The following PCDHA7 variants were observed in gnomAD, a reference collection of about 807,000 sequenced individuals.
PCDHA7 encodes the protein protocadherin alpha-7.
PCDHA7 carries 37 observed loss-of-function variants against 57.2 expected under a neutral mutation model. The ratio of observed to expected loss-of-function variants is 0.65; its 90% CI spans 0.50 to 0.85. The LOEUF (loss-of-function observed/expected upper bound fraction) is 0.85. PCDHA7 is among the 40% of genes least tolerant of loss of function. The pLI is 0.00. For missense variants in PCDHA7, 1,188 were observed against 1,241.8 expected, an observed-to-expected ratio of 0.96 and a Z score of 0.65; for synonymous variants, 553 against 558.8, an observed-to-expected ratio of 0.99 and a Z score of 0.15.
intron 1 of PCDHA7, among the ~76,000 whole-genome samples, chr5:140,961,237 G>A (rs1170465013): frequency 1.3e-5 from 2 of 152,136 alleles, no homozygotes; most frequent in African/African-American, 4.8e-5. Context: ...AAAAGGTGAT[G>A]GAATTTATCC....
chr5:140,985,590 T>C (rs1049609959), intron 3 of PCDHA7, among the ~76,000 whole-genome samples: 5 of 152,166 alleles, frequency 3.3e-5, no homozygotes, highest in African/African-American at 1.2e-4. Flanking sequence ...TCCTTATACT[T>C]GCTTCAGAGC....
chr5:140,841,640 G>T, intron 1 of PCDHA7: 1 of 1,614,170 alleles, frequency 6.2e-7, no homozygotes, highest in Non-Finnish European at 8.5e-7. Context: ...CATCCACCTG[G>T]AGGTGATCGT....
At chr5:140,945,001 G>A (rs2093722890) in intron 1 of PCDHA7, among the ~76,000 whole-genome samples, 1 of 151,990 alleles carries the variant, frequency 6.6e-6, no homozygotes, top group African/African-American at 2.4e-5. Context: ...ACGGTTGTGG[G>A]TCATGAATTA....
At chr5:140,929,353 C>T in intron 1 of PCDHA7, 1 of 1,527,090 alleles carries the variant, frequency 6.5e-7, no homozygotes, top group Non-Finnish European at 8.8e-7. Context: ...AATTTGATTC[C>T]TTTGGCCCGG....
chr5:140,869,221 A>G, intron 1 of PCDHA7: 1 of 1,613,848 alleles, frequency 6.2e-7, no homozygotes, highest in South Asian at 1.1e-5. Flanking sequence ...GGAGGAGGCC[A>G]AACACGGCAC....
At chr5:140,882,367 C>G in intron 1 of PCDHA7, 22 of 1,614,228 alleles carry the variant, frequency 1.4e-5, no homozygotes, top group Non-Finnish European at 1.7e-5. Flanking sequence ...AGCTCCACTA[C>G]TCCGTCCCCG....
chr5:140,969,363 C>T, intron 1 of PCDHA7: 2 of 1,610,732 alleles, frequency 1.2e-6, no homozygotes, highest in Non-Finnish European at 8.5e-7. Context: ...CTTCTACAAA[C>T]TCATGCATTT....
chr5:140,873,837 T>C (rs554313859), intron 1 of PCDHA7, among the ~76,000 whole-genome samples: 1 of 152,210 alleles, frequency 6.6e-6, no homozygotes, highest in South Asian at 2.1e-4. Context: ...ATTTTTGTAT[T>C]TTTAGTAGAG....
At chr5:141,006,880 G>A (rs1554260955) in intron 3 of PCDHA7, among the ~76,000 whole-genome samples, 1 of 152,192 alleles carries the variant, frequency 6.6e-6, no homozygotes, top group Non-Finnish European at 1.5e-5. Flanking sequence ...GAGGAATCAA[G>A]AGTTTGATTT....
chr5:140,985,739 CTTTTTTTTT>C (rs11372071), intron 3 of PCDHA7, among the ~76,000 whole-genome samples: 4 of 117,922 alleles, frequency 3.4e-5, no homozygotes, highest in African/African-American at 3.2e-5. Flanking sequence ...TGATGAATTC[CTTTTTTTTT>C]TTTTTTTTTT....
chr5:140,980,275 C>G (rs1288435032), intron 2 of PCDHA7, among the ~76,000 whole-genome samples: 1 of 152,196 alleles, frequency 6.6e-6, no homozygotes. Flanking sequence ...AGTACCAACT[C>G]TTGAAAAGTA....
chr5:140,928,081 C>G lies in PCDHA7; in HGVS notation c.2356-50868C>G, dbSNP rs782268064. On this transcript the variant is annotated intron_variant, in intron 1 of 3. Coordinates refer to ENST00000525929, the MANE Select transcript of PCDHA7 (RefSeq NM_018910.3). ...GGCTTCCTTTGACAACTACTACAGC[C>G]TGCTGATTGATGGGCCCCTGGACCG... is the stretch of plus-strand genomic sequence containing the variant. 6.2e-6 allele frequency: 10 copies of G among 1,614,090 alleles called. 1 individual carries two copies. In the South Asian group the frequency reaches 6.6e-5, roughly 11 times the overall value.
At chr5:140,966,818 C>T in intron 1 of PCDHA7, 1 of 1,554,294 alleles carries the variant, frequency 6.4e-7, no homozygotes, top group Admixed American at 1.9e-5. Flanking sequence ...ACGGCTCCGG[C>T]GGCCCATGCC....
chr5:140,957,597 A>G (rs1036559943), intron 1 of PCDHA7, among the ~76,000 whole-genome samples: 4 of 152,168 alleles, frequency 2.6e-5, no homozygotes, highest in Non-Finnish European at 5.9e-5. Context: ...ACTTCCCAGA[A>G]TAAACACACA....
At chr5:140,837,576 C>G (rs568317651) in intron 1 of PCDHA7, among the ~76,000 whole-genome samples, 3 of 151,836 alleles carry the variant, frequency 2.0e-5, no homozygotes, top group Non-Finnish European at 4.4e-5. Context: ...TTACAATCAC[C>G]AAATTGTAAA....
intron 1 of PCDHA7, among the ~76,000 whole-genome samples, chr5:140,908,732 A>G (rs909800763): frequency 6.6e-6 from 1 of 152,200 alleles, no homozygotes; most frequent in African/African-American, 2.4e-5. Flanking sequence ...ATATGGCTCG[A>G]GAAACAGAGC....
At position 140,835,614 on chromosome 5, in the gene PCDHA7, A is replaced by C. The variant is rs2150239494; in HGVS notation, c.1231A>C (p.Ser411Arg). Residue 411 changes from serine (S) to arginine (R), a missense_variant, in exon 1 of 4, where the codon AGC becomes CGC. Ser to Arg is a moderately radical substitution (Grantham distance 110). Transcript: ENST00000525929. ...FKNYYSLVLD[S>R]ALDRESVSAY... ...GAATTACTATTCATTGGTGCTGGAC[A>C]GCGCTCTGGACCGCGAGAGTGTGTC... 7 of 1,613,916 alleles carry C rather than the reference A, an allele frequency of 4.3e-6. No individual in the cohort carries two copies. In the East Asian group the frequency reaches 1.3e-4, roughly 31 times the overall value.
chr5:140,850,242 C>T (rs2150475130), intron 1 of PCDHA7: 4 of 1,593,608 alleles, frequency 2.5e-6, no homozygotes, highest in African/African-American at 1.3e-5. Flanking sequence ...GATGGTGCTG[C>T]GGTCGGTGGG....
rs189790601 is a variant in PCDHA7 at position 140,875,550 on chromosome 5, G to A, written c.2355+38812G>A. ...TTCTGCTCCTTGCAGCCTGGGAGGTGGGGAGCGGCCAGCTCCACTACTCCG... is the reference window on the plus strand; with the variant it reads ...TTCTGCTCCTTGCAGCCTGGGAGGTAGGGAGCGGCCAGCTCCACTACTCCG... On this transcript the variant is annotated intron_variant, in intron 1 of 3. Transcript: ENST00000525929. 51 of 1,614,134 alleles carry A rather than the reference G, an allele frequency of 3.2e-5. No homozygotes were observed. In the African/African-American group the frequency reaches 5.7e-4, roughly 18 times the overall value.
Sources: allele counts gnomAD v4.1 joint callset (sites outside exome capture counted in the v4.1 genomes callset), GRCh38; gene constraint gnomAD v4.1.1; transcripts MANE v1.5; gene names NCBI Gene and HGNC (gene_info 2026-07-23, HGNC 2026-07-21).